VPS50: variants seen among roughly 807,000 people sequenced by gnomAD.
VPS50 encodes the protein VPS50 subunit of EARP/GARPII complex.
A neutral mutation model predicts 139.7 loss-of-function variants in VPS50; 70 were observed. The ratio of observed to expected loss-of-function variants is 0.50; its 90% confidence interval spans 0.41 to 0.61. VPS50 has a LOEUF of 0.61. VPS50 is among the 20% of genes least tolerant of loss of function. The probability of loss-of-function intolerance (pLI) is 0.00; values close to 1 mark genes in which losing one functional copy is unlikely to be tolerated. For synonymous variants in VPS50, 365 were observed against 376.7 expected, an observed-to-expected ratio of 0.97 and a Z score of 0.36; for missense variants, 921 against 1,133.7, an observed-to-expected ratio of 0.81 and a Z score of 2.69.
chr7:93,239,754 G>A, intron 1 of VPS50, 112 bp from the exon 2 acceptor site: 1 of 599,256 alleles, frequency 1.7e-6, no homozygotes, highest in Non-Finnish European at 3.0e-6. Flanking sequence ...ATATTTTGAA[G>A]CAGGAAAATT....
chr7:93,283,307 A>G (rs1276607320), intron 12 of VPS50, among the ~76,000 whole-genome samples: 2 of 149,134 alleles, frequency 1.3e-5, no homozygotes, highest in East Asian at 4.0e-4. Flanking sequence ...GGCTCGTTGC[A>G]ACCTCCACCT....
rs146536736 is a variant in VPS50 at position 93,354,971 on chromosome 7, A to G, written c.2586-920A>G. On this transcript the variant is annotated intron_variant, in intron 26 of 27. Coordinates refer to ENST00000305866, the MANE Select transcript of VPS50 (RefSeq NM_017667.4). ...AAGATGACAGTGACAAGCTGACAAC[A>G]GTCGTGGCACTCTGTATTGAAACCA... 6.0e-3 allele frequency among the ~76,000 whole-genome samples: 917 copies of G among 152,342 alleles called. 7 individuals carry two copies. The highest frequency in any genetic ancestry group is 5.9e-3 in the Non-Finnish European group (404 of 68,034).
In VPS50 at chr7:93,308,846, A is replaced by G; in HGVS notation, c.1652A>G (p.Lys551Arg). 1 of 1,602,006 alleles carries G rather than the reference A, an allele frequency of 6.2e-7. No individual in the cohort carries two copies. Among genetic ancestry groups the G allele is most frequent in the South Asian group, 1.1e-5 (1 of 90,616 alleles). The change falls in exon 19 of 28, where the codon AAG becomes AGG. Residue 551 changes from lysine (K) to arginine (R), a missense_variant. By Grantham distance (26) the Lys-to-Arg change is conservative. Transcript: ENST00000305866. ...SNGYESDEQE[K>R]SAYQEYDSDS... The stretch of plus-strand genomic sequence containing the variant: ...CAGTATGAATCTGATGAACAAGAAA[A>G]GAGTGCCTATCAAGAGTATGACAGT...
chr7:93,316,346 A>G (rs1445949793), intron 20 of VPS50, among the ~76,000 whole-genome samples: 1 of 152,156 alleles, frequency 6.6e-6, no homozygotes, highest in Non-Finnish European at 1.5e-5. Flanking sequence ...CTAACAGGGG[A>G]GAGACCCCAG....
intron 13 of VPS50, among the ~76,000 whole-genome samples, chr7:93,293,890 G>A (rs1796721034): frequency 6.6e-6 from 1 of 152,126 alleles, no homozygotes; most frequent in Non-Finnish European, 1.5e-5. Flanking sequence ...GTTATCAGTG[G>A]ATAACTTCCC....
intron 16 of VPS50, among the ~76,000 whole-genome samples, chr7:93,301,516 C>T (rs745839773): frequency 1.5e-4 from 23 of 151,984 alleles, no homozygotes; most frequent in African/African-American, 3.1e-4. Flanking sequence ...GGGTTGACTG[C>T]GCTTCTTCAA....
intron 20 of VPS50, among the ~76,000 whole-genome samples, chr7:93,319,130 C>G (rs2117009789): frequency 6.6e-6 from 1 of 152,162 alleles, no homozygotes; most frequent in South Asian, 2.1e-4. Context: ...TTTCTCATTC[C>G]TTTTTTTGGA....
At chr7:93,236,732 A>C (rs932660275) in intron 1 of VPS50, among the ~76,000 whole-genome samples, 1 of 152,186 alleles carries the variant, frequency 6.6e-6, no homozygotes, top group Admixed American at 6.5e-5. Context: ...AAAACTGATA[A>C]AGTGTTAAAA....
At chr7:93,275,472 C>T (rs1003547512) in intron 11 of VPS50, among the ~76,000 whole-genome samples, 8 of 152,086 alleles carry the variant, frequency 5.3e-5, no homozygotes, top group African/African-American at 1.4e-4. Context: ...ACAAGACCCT[C>T]GACCAGAAAA....
At chr7:93,301,170 G>A (rs1372719796) in intron 16 of VPS50, among the ~76,000 whole-genome samples, 2 of 151,950 alleles carry the variant, frequency 1.3e-5, no homozygotes, top group Non-Finnish European at 2.9e-5. Flanking sequence ...GGTGGCGGGT[G>A]CCTGTAATCC....
chr7:93,320,437 T>G (rs1797575791), intron 20 of VPS50: 1 of 152,434 alleles, frequency 6.6e-6, no homozygotes, highest in African/African-American at 2.4e-5. Context: ...CACTGCAAGC[T>G]CCGCCTCCCG....
chr7:93,248,900 A>C (rs964903326), intron 2 of VPS50, among the ~76,000 whole-genome samples: 3 of 152,180 alleles, frequency 2.0e-5, no homozygotes, highest in African/African-American at 7.2e-5. Flanking sequence ...GTATATTTTC[A>C]CATAGAAGTT....
intron 11 of VPS50, among the ~76,000 whole-genome samples, chr7:93,273,726 G>T (rs1796076407): frequency 6.6e-6 from 1 of 152,012 alleles, no homozygotes; most frequent in Non-Finnish European, 1.5e-5. Flanking sequence ...AGGGATACTG[G>T]CATACATCTT....
chr7:93,308,096 C>A (rs1006453288), intron 18 of VPS50, among the ~76,000 whole-genome samples: 6 of 150,110 alleles, frequency 4.0e-5, no homozygotes, highest in African/African-American at 7.5e-5. Flanking sequence ...GCCATTTAAT[C>A]GTATTAATCT....
chr7:93,262,683 T>C (rs1351063216), intron 9 of VPS50, among the ~76,000 whole-genome samples: 1 of 152,218 alleles, frequency 6.6e-6, no homozygotes, highest in Non-Finnish European at 1.5e-5. Context: ...GGTGATTTAG[T>C]GACAGTGTCA....
Position 93,303,487 on chromosome 7 carries a change from CT to C in VPS50, c.1391del (p.Leu464Ter). ...CACGGCTCGATGAACTGAGAATGTTCTTAGAGAATGAGACTTGGGAACTTTG... is the reference window on the plus strand; with the variant it reads ...CACGGCTCGATGAACTGAGAATGTTCTAGAGAATGAGACTTGGGAACTTTG... ...RTRLDELRMFLENETWELCPV... is the reference protein window; with the variant it reads ...RTRLDELRMFXENETWELCPV... On this transcript the variant is annotated frameshift_variant, in exon 17 of 28. Coordinates refer to ENST00000305866, the MANE Select transcript of VPS50 (RefSeq NM_017667.4). LOFTEE classifies it high-confidence loss of function. The C allele has an allele frequency of 1.3e-6, 2 of 1,575,496 alleles. No individual in the cohort carries two copies. Among genetic ancestry groups the C allele is most frequent in the Admixed American group, 1.7e-5 (1 of 58,822 alleles).
chr7:93,312,883 AG>A (rs1328878558), intron 20 of VPS50, among the ~76,000 whole-genome samples: 1 of 152,094 alleles, frequency 6.6e-6, no homozygotes, highest in Non-Finnish European at 1.5e-5. Context: ...CATCCTCCTT[AG>A]CCTTCTAGAC....
chr7:93,329,985 C>A (rs1487584495), intron 21 of VPS50, among the ~76,000 whole-genome samples: 2 of 152,112 alleles, frequency 1.3e-5, no homozygotes, highest in Non-Finnish European at 1.5e-5. Flanking sequence ...ATGGAATCTA[C>A]CTGTGGAAAT....
At chr7:93,355,183 CT>C (rs1798671047) in intron 26 of VPS50, among the ~76,000 whole-genome samples, 1 of 149,328 alleles carries the variant, frequency 6.7e-6, no homozygotes, top group Non-Finnish European at 1.5e-5. Context: ...TGCAACTTTC[CT>C]TAAGGTAAGT....
Sources: allele counts gnomAD v4.1 joint callset (sites outside exome capture counted in the v4.1 genomes callset), GRCh38; gene constraint gnomAD v4.1.1; transcripts MANE v1.5; gene names NCBI Gene and HGNC (gene_info 2026-07-23, HGNC 2026-07-21).